The following RAD51B variants were observed in gnomAD, a reference collection of about 807,000 sequenced individuals.
RAD51B encodes the protein DNA repair protein RAD51 homolog 2.
Under a neutral mutation model 42.2 loss-of-function variants are expected in RAD51B, and 38 were observed. The observed-to-expected ratio is 0.90, with a 90% CI of 0.70 to 1.18. The LOEUF is 1.18. Ranked by LOEUF, RAD51B falls within the 50% of genes most tolerant of loss-of-function variation. The pLI is 0.00. For synonymous variants in RAD51B, 154 were observed against 145.2 expected (o/e 1.06, Z -0.43); for missense variants, 373 against 400.7 (o/e 0.93, Z 0.59).
chr14:67,911,394 G>A (rs1418242784), intron 7 of RAD51B, among the ~76,000 whole-genome samples: 1 of 152,166 alleles, frequency 6.6e-6, no homozygotes, highest in Non-Finnish European at 1.5e-5. Flanking sequence ...AAAAGCTGGA[G>A]AAGTATTATT....
At chr14:68,446,407 A>G (rs1331921494) in intron 9 of RAD51B, among the ~76,000 whole-genome samples, 1 of 152,126 alleles carries the variant, frequency 6.6e-6, no homozygotes, top group Non-Finnish European at 1.5e-5. Flanking sequence ...TACCTACACT[A>G]TGATTTTCCT....
chr14:68,004,257 C>T (rs896032008), intron 7 of RAD51B, among the ~76,000 whole-genome samples: 9 of 143,708 alleles, frequency 6.3e-5, no homozygotes, highest in Admixed American at 2.2e-4. Context: ...GGCGTGAACC[C>T]GGGAGGTGGA....
chr14:68,462,849 C>A (rs2085879253), intron 9 of RAD51B, among the ~76,000 whole-genome samples: 1 of 152,180 alleles, frequency 6.6e-6, no homozygotes, highest in Admixed American at 6.5e-5. Context: ...TGCCCACATA[C>A]CACATACCTA....
Position 68,022,094 on chromosome 14 carries a change from C to T in RAD51B, c.756+134890C>T, listed in dbSNP as rs138594781. 2.6e-3 allele frequency among the ~76,000 whole-genome samples: 389 copies of T among 152,276 alleles called. 2 individuals are homozygous for T. Among genetic ancestry groups the T allele is most frequent in the African/African-American group, 9.0e-3 (372 of 41,554 alleles). ...CTATACTCCTCTCCATTCCTCCCAC[C>T]CCTAGTAGTCCACAGTGTCTATTGT... On this transcript the variant is annotated intron_variant, in intron 7 of 10. Transcript: ENST00000471583.
chr14:67,916,547 TA>T (rs1335377226), intron 7 of RAD51B, among the ~76,000 whole-genome samples: 5 of 150,466 alleles, frequency 3.3e-5, no homozygotes, highest in East Asian at 1.9e-4. Flanking sequence ...CTGACAGTAA[TA>T]TTTTTTTTTT....
chr14:67,827,620 GCTCTCC>G (rs1382158055), intron 3 of RAD51B, among the ~76,000 whole-genome samples: 1 of 152,086 alleles, frequency 6.6e-6, no homozygotes, highest in Non-Finnish European at 1.5e-5. Context: ...TCTTCCTGAA[GCTCTCC>G]CTCTCCCCCA....
At chr14:68,485,633 G>T (rs1380131829) in intron 10 of RAD51B, among the ~76,000 whole-genome samples, 2 of 152,036 alleles carry the variant, frequency 1.3e-5, no homozygotes, top group Non-Finnish European at 1.5e-5. Flanking sequence ...AACCCCCAAG[G>T]TCTTCTCTGT....
chr14:68,496,948 G>T (rs2189516), intron 10 of RAD51B, among the ~76,000 whole-genome samples: 1 of 152,128 alleles, frequency 6.6e-6, no homozygotes, highest in East Asian at 1.9e-4. Flanking sequence ...CTAGAAGCAC[G>T]AAACTACAAG....
chr14:68,364,508 G>A (rs2083100519), intron 8 of RAD51B, among the ~76,000 whole-genome samples: 1 of 152,062 alleles, frequency 6.6e-6, no homozygotes, highest in Non-Finnish European at 1.5e-5. Context: ...GCGGTGGAGG[G>A]CTCCACTCGC....
chr14:68,168,821 A>G (rs1461125806), intron 7 of RAD51B, among the ~76,000 whole-genome samples: 3 of 152,232 alleles, frequency 2.0e-5, no homozygotes, highest in Non-Finnish European at 4.4e-5. Context: ...AATTACTACT[A>G]AAACAGCTTT....
intron 8 of RAD51B, among the ~76,000 whole-genome samples, chr14:68,338,098 T>G (rs73274119): frequency 6.6e-6 from 1 of 152,208 alleles, no homozygotes; most frequent in Non-Finnish European, 1.5e-5. Flanking sequence ...GGCCCAAAAA[T>G]CTTTTATTTG....
At position 68,304,710 on chromosome 14, in the gene RAD51B, G is replaced by A. The variant is rs114662221; in HGVS notation, c.853+12730G>A. Among the ~76,000 whole-genome samples the A allele has an allele frequency of 3.3e-3, 499 of 152,304 alleles. 2 individuals are homozygous for A. The highest frequency in any genetic ancestry group is 0.011 in the African/African-American group (470 of 41,552). On this transcript the variant is annotated intron_variant, in intron 8 of 10. Transcript: ENST00000471583. ...AACCATCTGTACTATTTTGAGCAAG[G>A]CACTTAACTTCCCTGGACCTCAATT...
intron 10 of RAD51B, among the ~76,000 whole-genome samples, chr14:68,506,544 C>T (rs185907473): frequency 3.3e-4 from 50 of 152,350 alleles, no homozygotes; most frequent in East Asian, 7.7e-4. Context: ...TGCATGTGTG[C>T]GTGCACGCCG....
intron 7 of RAD51B, among the ~76,000 whole-genome samples, chr14:68,285,248 A>T (rs746612692): frequency 6.6e-6 from 1 of 152,232 alleles, no homozygotes; most frequent in Non-Finnish European, 1.5e-5. Context: ...CAGAGCCAGG[A>T]TTAAAACTTG....
chr14:67,994,816 C>T (rs1019189140), intron 7 of RAD51B, among the ~76,000 whole-genome samples: 3 of 152,192 alleles, frequency 2.0e-5, no homozygotes, highest in African/African-American at 4.8e-5. Context: ...TATTTCTACA[C>T]TCATGTTTAT....
chr14:67,841,660 T>C lies in RAD51B; in HGVS notation c.315+6464T>C, dbSNP rs529771051. ...TGGCTAGCTGGTAATCTCAGCAGCATTTATTGAATAGGAAGTCCTTTCCCC... is the reference window on the plus strand; with the variant it reads ...TGGCTAGCTGGTAATCTCAGCAGCACTTATTGAATAGGAAGTCCTTTCCCC... On this transcript the variant is annotated intron_variant, in intron 4 of 10. Coordinates refer to ENST00000471583, the MANE Select transcript of RAD51B (RefSeq NM_133510.4). Among the ~76,000 whole-genome samples the C allele has an allele frequency of 4.7e-5, 7 of 149,372 alleles. No individual in the cohort carries two copies. In the East Asian group the frequency reaches 1.4e-3, roughly 29 times the overall value.
At chr14:68,515,425 T>C (rs1886062311) in intron 10 of RAD51B, among the ~76,000 whole-genome samples, 1 of 147,262 alleles carries the variant, frequency 6.8e-6, no homozygotes, top group Non-Finnish European at 1.5e-5. Context: ...TTTCTTTTCT[T>C]CCTTTCTTCT....
chr14:68,273,821 G>T (rs903848054), intron 7 of RAD51B, among the ~76,000 whole-genome samples: 1 of 152,066 alleles, frequency 6.6e-6, no homozygotes, highest in East Asian at 1.9e-4. Flanking sequence ...TGAGTAGTTG[G>T]GATTACAGGT....
At chr14:68,321,632 CAAG>C (rs1566807447) in intron 8 of RAD51B, among the ~76,000 whole-genome samples, 3 of 152,178 alleles carry the variant, frequency 2.0e-5, no homozygotes, top group Non-Finnish European at 4.4e-5. Context: ...AGACCTTGAG[CAAG>C]TTACTTAAAC....
Sources: gnomAD v4.1 joint callset for allele counts (sites outside exome capture counted in the v4.1 genomes callset) on GRCh38, gnomAD v4.1.1 for gene constraint, MANE v1.5 for transcripts, NCBI Gene and HGNC (gene_info 2026-07-23, HGNC 2026-07-21) for gene names.